PCNX2: variants seen among roughly 807,000 people sequenced by gnomAD.
PCNX2 encodes the protein pecanex 2.
Under a neutral mutation model 223.8 loss-of-function variants are expected in PCNX2, and 168 were observed. That is an observed-to-expected ratio of 0.75 (90% CI 0.66 to 0.85). The LOEUF (loss-of-function observed/expected upper bound fraction) is 0.85, where lower values mean the gene tolerates loss of function less well. PCNX2 is among the 40% of genes least tolerant of loss of function. PCNX2 has a pLI of 0.00. For missense variants in PCNX2, 2,507 were observed against 2,675.5 expected, an observed-to-expected ratio of 0.94 and a Z score of 1.39; for synonymous variants, 1,006 against 1,052.6, an observed-to-expected ratio of 0.96 and a Z score of 0.86.
At chr1:233,122,544 A>T (rs1480203483) in intron 21 of PCNX2, among the ~76,000 whole-genome samples, 3 of 145,290 alleles carry the variant, frequency 2.1e-5, no homozygotes, top group Middle Eastern at 3.5e-3. Flanking sequence ...TTTTTTTGAG[A>T]TGTAGTTTCA....
chr1:233,167,667 G>T, intron 17 of PCNX2: 1 of 879,454 alleles, frequency 1.1e-6, no homozygotes, highest in Non-Finnish European at 1.4e-6. Context: ...TCATGACATT[G>T]TGTTATATAC....
chr1:233,160,729 T>C (rs1678419324), intron 18 of PCNX2, among the ~76,000 whole-genome samples: 1 of 152,178 alleles, frequency 6.6e-6, no homozygotes, highest in South Asian at 2.1e-4. Flanking sequence ...GAATAACCCA[T>C]GCAGCTCACA....
chr1:233,023,708 C>T (rs1670983088), intron 26 of PCNX2, among the ~76,000 whole-genome samples: 1 of 152,182 alleles, frequency 6.6e-6, no homozygotes. Flanking sequence ...TTGGACAAAA[C>T]ATGTATAGTT....
chr1:233,252,835 T>C (rs1273166451), intron 5 of PCNX2, 47 bp from the exon 6 acceptor site: 4 of 1,479,776 alleles, frequency 2.7e-6, no homozygotes, highest in African/African-American at 1.4e-5. Flanking sequence ...AATAAATCAA[T>C]GTGAAAACTC....
At chr1:233,302,567 T>TCTCAA in the PCNX2 span, among the ~76,000 whole-genome samples, 2 of 151,764 alleles carry the variant, frequency 1.3e-5, no homozygotes, top group Non-Finnish European at 2.9e-5. Flanking sequence ...TTGTACTGTG[T>TCTCAA]CTCAGCCTTA....
chr1:233,177,713 G>A, intron 17 of PCNX2, 89 bp downstream of exon 17: 1 of 1,133,784 alleles, frequency 8.8e-7, no homozygotes, highest in Non-Finnish European at 1.3e-6. Context: ...TCCTTCTCAT[G>A]TCCACCTGCC....
In PCNX2 at chr1:233,200,175, T is replaced by C. The variant is rs921781201; in HGVS notation, c.2953A>G (p.Met985Val). ...FCTYLLEQID[M>V]LFFGGSAVSG... ...TTACCAGAACCACCAAAAAACAGCA[T>C]GTCAATTTGCTCCAAAAGATAAGTG... The change falls in exon 14 of 34, where the codon ATG becomes GTG. Residue 985 changes from methionine (M) to valine (V), a missense_variant. Met to Val is a conservative substitution (Grantham distance 21, BLOSUM62 1). This residue lies in a region of PCNX2 where 1,372 missense variants were observed against 1,509.4 expected (regional missense o/e 0.91). Coordinates refer to ENST00000258229, the MANE Select transcript of PCNX2 (RefSeq NM_014801.4). The C allele has an allele frequency of 1.0e-5, 16 of 1,588,828 alleles. No homozygotes were observed. The highest frequency in any genetic ancestry group is 3.5e-5 in the South Asian group (3 of 86,632).
intron 10 of PCNX2, among the ~76,000 whole-genome samples, chr1:233,224,575 C>T (rs941232357): frequency 2.0e-5 from 3 of 152,148 alleles, no homozygotes; most frequent in African/African-American, 7.2e-5. Context: ...CATTTTTACC[C>T]AGCTTCCCCA....
At chr1:233,070,624 T>C (rs1012723457) in intron 23 of PCNX2, among the ~76,000 whole-genome samples, 4 of 151,668 alleles carry the variant, frequency 2.6e-5, no homozygotes, top group East Asian at 3.9e-4. Context: ...CATATGCATG[T>C]AGATAAACAC....
At chr1:233,130,660 T>G in intron 21 of PCNX2, among the ~76,000 whole-genome samples, 1 of 152,186 alleles carries the variant, frequency 6.6e-6, no homozygotes, top group South Asian at 2.1e-4. Flanking sequence ...AATTTTTGTA[T>G]TTTTAGTAGA....
chr1:233,208,958 T>G (rs74145098), intron 12 of PCNX2, among the ~76,000 whole-genome samples: 1 of 151,720 alleles, frequency 6.6e-6, no homozygotes, highest in Non-Finnish European at 1.5e-5. Flanking sequence ...AAGATTTACC[T>G]GAAAATTTAA....
intron 19 of PCNX2, among the ~76,000 whole-genome samples, chr1:233,153,400 T>C (rs1413035778): frequency 6.6e-6 from 1 of 152,132 alleles, no homozygotes; most frequent in Non-Finnish European, 1.5e-5. Flanking sequence ...GAATGAGAAA[T>C]ATACTACATA....
rs140653845 is a variant in PCNX2 at position 233,168,756 on chromosome 1, C to T, written c.3274-7393G>A. Among the ~76,000 whole-genome samples, 683 of 151,994 alleles carry T rather than the reference C, an allele frequency of 4.5e-3. 7 individuals are homozygous for T. Among genetic ancestry groups the T allele is most frequent in the Non-Finnish European group, 6.0e-3 (406 of 67,922 alleles). Reference sequence around the variant, plus strand: ...CATTTACTCTATCATAGGTTGTAAGCATTTCACAATCCTTGATAAATTATG... The same window carrying T: ...CATTTACTCTATCATAGGTTGTAAGTATTTCACAATCCTTGATAAATTATG... On this transcript the variant is annotated intron_variant, in intron 17 of 33. Coordinates refer to ENST00000258229, the MANE Select transcript of PCNX2 (RefSeq NM_014801.4).
chr1:233,313,777 G>A, the PCNX2 span, among the ~76,000 whole-genome samples: 1 of 152,118 alleles, frequency 6.6e-6, no homozygotes, highest in Non-Finnish European at 1.5e-5. Context: ...GTAATTAAAT[G>A]ACCCAAACAT....
At chr1:233,020,186 G>A (rs3766481) in intron 26 of PCNX2, among the ~76,000 whole-genome samples, 5 of 152,116 alleles carry the variant, frequency 3.3e-5, no homozygotes, top group African/African-American at 1.2e-4. Flanking sequence ...CTGGCAAAAC[G>A]CTGCAGTGCT....
At chr1:233,141,817 G>C (rs568489873) in intron 19 of PCNX2, among the ~76,000 whole-genome samples, 2 of 149,530 alleles carry the variant, frequency 1.3e-5, no homozygotes, top group Non-Finnish European at 3.0e-5. Context: ...AGAGAGACTT[G>C]GCATTTAGAA....
At chr1:233,138,430 C>G (rs1013648574) in intron 20 of PCNX2, among the ~76,000 whole-genome samples, 4 of 152,072 alleles carry the variant, frequency 2.6e-5, no homozygotes, top group African/African-American at 9.7e-5. Flanking sequence ...GCTCAATTTC[C>G]CAGAGTGGCA....
intron 7 of PCNX2, 95 bp downstream of exon 7, chr1:233,252,259 C>T (rs1659499749): frequency 2.9e-6 from 4 of 1,366,196 alleles, no homozygotes; most frequent in Non-Finnish European, 3.9e-6. Context: ...TTCCAGTTCT[C>T]AAGTCTAGTA....
intron 20 of PCNX2, among the ~76,000 whole-genome samples, chr1:233,136,576 C>G (rs540596786): frequency 5.1e-4 from 78 of 152,236 alleles, no homozygotes; most frequent in South Asian, 1.5e-3. Flanking sequence ...CACTTGATTC[C>G]ATGCATACAT....
Sources: allele counts gnomAD v4.1 joint callset (sites outside exome capture counted in the v4.1 genomes callset), GRCh38; gene constraint gnomAD v4.1.1; regional missense constraint gnomAD v4.1.1; transcripts MANE v1.5; gene names NCBI Gene and HGNC (gene_info 2026-07-23, HGNC 2026-07-21).